Variants in AOPEP observed in about 807,000 individuals in gnomAD.
AOPEP encodes aminopeptidase O (putative).
AOPEP carries 77 observed loss-of-function variants against 98.1 expected under a neutral mutation model. That is an observed-to-expected ratio of 0.78 (90% CI 0.65 to 0.95). AOPEP has a LOEUF of 0.95. Ranked by LOEUF, AOPEP falls within the 40% of genes least tolerant of loss-of-function variation. The pLI, the probability that AOPEP is intolerant of heterozygous loss-of-function variation, is 0.00. For missense variants in AOPEP, 1,024 were observed against 1,024.7 expected (o/e 1.00, Z 0.01); for synonymous variants, 346 against 365.3 (o/e 0.95, Z 0.60).
intron 5 of AOPEP, among the ~76,000 whole-genome samples, chr9:94,813,833 G>A (rs905929763): frequency 6.6e-6 from 1 of 152,206 alleles, no homozygotes; most frequent in Admixed American, 6.5e-5. Flanking sequence ...TTCATATTCT[G>A]CTCCCCATAG....
intron 5 of AOPEP, among the ~76,000 whole-genome samples, chr9:94,837,582 C>A (rs2041766961): frequency 6.6e-6 from 1 of 152,102 alleles, no homozygotes; most frequent in Non-Finnish European, 1.5e-5. Flanking sequence ...GGTTTCATAC[C>A]AGTAATGCAA....
intron 2 of AOPEP, among the ~76,000 whole-genome samples, chr9:94,767,720 T>C (rs1839935352): frequency 6.6e-6 from 1 of 152,228 alleles, no homozygotes; most frequent in Non-Finnish European, 1.5e-5. Flanking sequence ...AAAACATCTC[T>C]GGTGAAGAAG....
intron 16 of AOPEP, chr9:95,085,673 T>C: frequency 5.6e-6 from 2 of 356,712 alleles, no homozygotes; most frequent in South Asian, 4.3e-5. Flanking sequence ...AAGGATGCAC[T>C]GTCTCCTGCT....
At chr9:94,754,072 G>T (rs1320520939) in intron 1 of AOPEP, among the ~76,000 whole-genome samples, 17 of 152,148 alleles carry the variant, frequency 1.1e-4, no homozygotes, top group Non-Finnish European at 2.4e-4. Flanking sequence ...ACATCAACAT[G>T]TCTATATTTC....
At chr9:94,860,621 G>A (rs181305308) in intron 5 of AOPEP, among the ~76,000 whole-genome samples, 2 of 152,260 alleles carry the variant, frequency 1.3e-5, no homozygotes, top group East Asian at 3.9e-4. Flanking sequence ...GAGAATGCAG[G>A]ACTTGAGAGT....
chr9:94,939,600 C>T (rs1264143066), intron 7 of AOPEP, among the ~76,000 whole-genome samples: 1 of 152,230 alleles, frequency 6.6e-6, no homozygotes, highest in South Asian at 2.1e-4. Flanking sequence ...CTGAACAAAA[C>T]TTCCTGGGCA....
chr9:95,091,876 A>C (rs2070871796), downstream of AOPEP, among the ~76,000 whole-genome samples: 1 of 151,998 alleles, frequency 6.6e-6, no homozygotes, highest in African/African-American at 2.4e-5. Flanking sequence ...TGCGCACCCC[A>C]CCCCAGCAGC....
At position 94,979,403 on chromosome 9, in the gene AOPEP, G is replaced by T; in HGVS notation, c.1953G>T (p.Trp651Cys). The change falls in exon 11 of 17, where the codon TGG becomes TGT. Residue 651 changes from tryptophan to cysteine, a missense_variant. Coordinates refer to ENST00000375315, the MANE Select transcript of AOPEP (RefSeq NM_001193329.3). ...CTGTTGAAAACATCTACCAAGACTG[G>T]CTTGAGAGTTCCGGAATACCAAAGG... is the stretch of plus-strand genomic sequence containing the variant. Reference protein sequence around the residue: ...ELSVENIYQDWLESSGIPKPL... With the variant: ...ELSVENIYQDCLESSGIPKPL... The T allele has an allele frequency of 6.2e-7, 1 of 1,601,596 alleles. No homozygotes were observed. The highest frequency in any genetic ancestry group is 1.7e-5 in the Admixed American group (1 of 59,290).
At chr9:95,003,165 T>TGTGTGTGCGC (rs1196387961) in intron 11 of AOPEP, among the ~76,000 whole-genome samples, 82 of 146,058 alleles carry the variant, frequency 5.6e-4, no homozygotes, top group African/African-American at 1.7e-3. Flanking sequence ...TGTGTGTGTG[T>TGTGTGTGCGC]GCGCGCGCGC....
At chr9:94,922,873 G>C (rs2053822627) in intron 5 of AOPEP, among the ~76,000 whole-genome samples, 1 of 152,210 alleles carries the variant, frequency 6.6e-6, no homozygotes. Context: ...TGAGCTGAAT[G>C]GGTGATGTTG....
chr9:94,899,087 G>A (rs762533723), intron 5 of AOPEP, among the ~76,000 whole-genome samples: 4 of 150,912 alleles, frequency 2.7e-5, no homozygotes, highest in Admixed American at 2.0e-4. Context: ...GGAGCAATTC[G>A]TAATACCTTT....
At chr9:95,128,307 T>C in the AOPEP span, among the ~76,000 whole-genome samples, 2 of 152,260 alleles carry the variant, frequency 1.3e-5, no homozygotes, top group Admixed American at 6.5e-5. Flanking sequence ...TCAAAGTTTG[T>C]ACAACAACAT....
the AOPEP span, among the ~76,000 whole-genome samples, chr9:95,149,037 T>G: frequency 6.6e-6 from 1 of 152,034 alleles, no homozygotes; most frequent in African/African-American, 2.4e-5. Context: ...AAATGAGACT[T>G]GCAAAAATGT....
At chr9:95,016,541 C>A (rs574578045) in intron 13 of AOPEP, among the ~76,000 whole-genome samples, 14 of 152,134 alleles carry the variant, frequency 9.2e-5, no homozygotes, top group Non-Finnish European at 1.9e-4. Flanking sequence ...CCGCGCCAGG[C>A]CCTTTTGTGA....
At chr9:95,068,534 A>G (rs1260311908) in intron 14 of AOPEP, among the ~76,000 whole-genome samples, 6 of 152,240 alleles carry the variant, frequency 3.9e-5, no homozygotes, top group Non-Finnish European at 8.8e-5. Context: ...TTACTGAGTT[A>G]TAATAGTTCT....
chr9:94,790,040 A>T (rs1343055016), intron 3 of AOPEP, among the ~76,000 whole-genome samples: 3 of 149,400 alleles, frequency 2.0e-5, no homozygotes, highest in Non-Finnish European at 4.5e-5. Context: ...CGCCCGGCTA[A>T]TTTTTTTTGT....
intron 4 of AOPEP, among the ~76,000 whole-genome samples, chr9:94,793,730 G>A (rs1846289556): frequency 6.6e-6 from 1 of 151,932 alleles, no homozygotes; most frequent in African/African-American, 2.4e-5. Context: ...GAAGAGATGT[G>A]AGCCTATTAT....
At chr9:95,036,667 CCTCTT>C (rs1356938373) in intron 13 of AOPEP, among the ~76,000 whole-genome samples, 3 of 150,516 alleles carry the variant, frequency 2.0e-5, no homozygotes. Flanking sequence ...TCTTCCTCCT[CCTCTT>C]CTCCTTTCTT....
chr9:95,012,247 A>T (rs1164099274), intron 13 of AOPEP, among the ~76,000 whole-genome samples: 1 of 152,218 alleles, frequency 6.6e-6, no homozygotes, highest in Non-Finnish European at 1.5e-5. Context: ...CATAAAGCAC[A>T]CATATCTAAT....
Sources: allele counts gnomAD v4.1 joint callset (sites outside exome capture counted in the v4.1 genomes callset), GRCh38; gene constraint gnomAD v4.1.1; transcripts MANE v1.5; gene names NCBI Gene and HGNC (gene_info 2026-07-23, HGNC 2026-07-21).